ANKS1B: variants seen among roughly 807,000 people sequenced by gnomAD.
ANKS1B encodes the protein ankyrin repeat and sterile alpha motif domain-containing protein 1B.
ANKS1B carries 36 observed loss-of-function variants against 148.3 expected under a neutral mutation model. That is an observed-to-expected ratio of 0.24 (90% confidence interval 0.19 to 0.32). The LOEUF (loss-of-function observed/expected upper bound fraction) is 0.32. Among genes scored for constraint, ANKS1B ranks in the 10% least tolerant of loss-of-function variants. ANKS1B has a pLI of 1.00. For missense variants in ANKS1B, 1,157 were observed against 1,542.6 expected (o/e 0.75, Z 4.19); for synonymous variants, 542 against 560.8 (o/e 0.97, Z 0.47).
chr12:99,498,300 T>G (rs2152988677), intron 10 of ANKS1B, among the ~76,000 whole-genome samples: 1 of 152,326 alleles, frequency 6.6e-6, no homozygotes, highest in South Asian at 2.1e-4. Flanking sequence ...AAATCCAAAC[T>G]TCTGCCTGTT....
At chr12:99,162,102 T>C (rs2076712013) in intron 14 of ANKS1B, among the ~76,000 whole-genome samples, 1 of 152,130 alleles carries the variant, frequency 6.6e-6, no homozygotes, top group South Asian at 2.1e-4. Flanking sequence ...ATAATTCTGT[T>C]TAAATAAAAG....
At chr12:99,724,021 A>G (rs2058368864) in intron 8 of ANKS1B, among the ~76,000 whole-genome samples, 1 of 152,058 alleles carries the variant, frequency 6.6e-6, no homozygotes, top group African/African-American at 2.4e-5. Context: ...TATCAAAACT[A>G]GACAAATTCA....
chr12:99,723,587 G>GATTT (rs1368561410), intron 8 of ANKS1B, among the ~76,000 whole-genome samples: 1 of 152,182 alleles, frequency 6.6e-6, no homozygotes, highest in Admixed American at 6.5e-5. Context: ...AATCTGGGCA[G>GATTT]CCCAGATGAG....
intron 9 of ANKS1B, among the ~76,000 whole-genome samples, chr12:99,511,302 C>G (rs141671620): frequency 6.6e-6 from 1 of 152,100 alleles, no homozygotes; most frequent in East Asian, 1.9e-4. Flanking sequence ...CATGAATGAA[C>G]TGCCATTCAC....
At chr12:99,384,147 C>T (rs1302149906) in intron 12 of ANKS1B, among the ~76,000 whole-genome samples, 1 of 152,106 alleles carries the variant, frequency 6.6e-6, no homozygotes, top group African/African-American at 2.4e-5. Flanking sequence ...AGTAATGTGT[C>T]TGATGCTTAG....
At position 99,819,724 on chromosome 12, in the gene ANKS1B, T is replaced by C. The variant is rs185321077; in HGVS notation, c.215+5585A>G. Among the ~76,000 whole-genome samples, 4 of 151,012 alleles carry C rather than the reference T, an allele frequency of 2.6e-5. No individual in the cohort carries two copies. In the East Asian group the frequency reaches 5.9e-4, roughly 22 times the overall value. On this transcript the variant is annotated intron_variant, in intron 2 of 26. Coordinates refer to ENST00000683438, the MANE Select transcript of ANKS1B (RefSeq NM_001352186.2). The stretch of plus-strand genomic sequence containing the variant: ...CTATTTGTTAAGTAGAGAAGAAAAA[T>C]TGAATTGAAATATGAGTATACAGGT...
Position 98,751,270 on chromosome 12 carries a change from C to T in ANKS1B, c.3747+85G>A. ...AAGAAGAGGCCCTGGGTTCTAATGG[C>T]ACCCACACCACACAAGGGCCTGGTT... On this transcript the variant is annotated intron_variant, in intron 26 of 26. Coordinates refer to ENST00000683438, the MANE Select transcript of ANKS1B (RefSeq NM_001352186.2). This position sits in a 1 kb window ranked among gnomAD's most constrained non-coding sequence, Gnocchi z 4.3. 1 of 1,385,364 alleles carries T rather than the reference C, an allele frequency of 7.2e-7. No individual in the cohort carries two copies. Among genetic ancestry groups the T allele is most frequent in the South Asian group, 1.4e-5 (1 of 71,688 alleles). 85.8% of individuals were successfully genotyped at this position (1,385,364 alleles called of 1,614,324 possible).
At chr12:99,377,428 A>G (rs1048849554) in intron 12 of ANKS1B, among the ~76,000 whole-genome samples, 1 of 152,310 alleles carries the variant, frequency 6.6e-6, no homozygotes, top group Admixed American at 6.5e-5. Flanking sequence ...TGCAGAAAAC[A>G]TTGTAGACAG....
intron 9 of ANKS1B, among the ~76,000 whole-genome samples, chr12:99,615,868 T>C (rs1421305399): frequency 1.3e-5 from 2 of 152,156 alleles, no homozygotes; most frequent in African/African-American, 4.8e-5. Flanking sequence ...CGTTTGCAGA[T>C]GACATGATTC....
At chr12:99,773,482 A>C (rs1416694327) in intron 7 of ANKS1B, among the ~76,000 whole-genome samples, 1 of 152,152 alleles carries the variant, frequency 6.6e-6, no homozygotes, top group African/African-American at 2.4e-5. Context: ...ACTTCTTCCT[A>C]GGTTCAATAA....
chr12:99,718,478 A>G (rs1600535546), intron 8 of ANKS1B, among the ~76,000 whole-genome samples: 2 of 152,146 alleles, frequency 1.3e-5, no homozygotes, highest in East Asian at 3.9e-4. Flanking sequence ...TACCCCGCTC[A>G]ATGCCGATAT....
In ANKS1B at chr12:98,895,817, A is replaced by C. The variant is rs77602754; in HGVS notation, c.2779-63681T>G. ...TTTTTGTTTGTTTGTTTTTCCCCCCAAAAATTATGCCAATTAAATCCGACC... is the reference window on the plus strand; with the variant it reads ...TTTTTGTTTGTTTGTTTTTCCCCCCCAAAATTATGCCAATTAAATCCGACC... On this transcript the variant is annotated intron_variant, in intron 17 of 26. Transcript: ENST00000683438. Among the ~76,000 whole-genome samples the C allele has an allele frequency of 5.9e-3, 905 of 152,298 alleles. 1 individual carries two copies. Among genetic ancestry groups the C allele is most frequent in the East Asian group, 9.1e-3 (47 of 5,182 alleles).
chr12:99,969,430 C>A (rs141212825), intron 1 of ANKS1B, among the ~76,000 whole-genome samples: 1 of 152,122 alleles, frequency 6.6e-6, no homozygotes, highest in Non-Finnish European at 1.5e-5. Context: ...GCAATCCTCC[C>A]GCCTCAGCCT....
At chr12:99,734,350 T>C (rs960046100) in intron 8 of ANKS1B, among the ~76,000 whole-genome samples, 3 of 152,090 alleles carry the variant, frequency 2.0e-5, no homozygotes, top group Non-Finnish European at 2.9e-5. Context: ...TGGAGTGCAA[T>C]GGCATGATCT....
At chr12:99,364,001 G>A (rs189151660) in intron 12 of ANKS1B, among the ~76,000 whole-genome samples, 9 of 152,190 alleles carry the variant, frequency 5.9e-5, no homozygotes, top group Non-Finnish European at 1.0e-4. Flanking sequence ...ACCAAGGGGA[G>A]GGCTCTGAAG....
chr12:99,534,803 G>C (rs539829017), intron 9 of ANKS1B, among the ~76,000 whole-genome samples: 2 of 147,082 alleles, frequency 1.4e-5, no homozygotes, highest in African/African-American at 5.0e-5. Flanking sequence ...TCCACCTCCC[G>C]GGTTTACCCC....
intron 1 of ANKS1B, among the ~76,000 whole-genome samples, chr12:99,868,114 C>T (rs953632120): frequency 6.6e-6 from 1 of 152,048 alleles, no homozygotes; most frequent in Non-Finnish European, 1.5e-5. Context: ...AAAAAAGAAA[C>T]TAGCAAACTG....
intron 10 of ANKS1B, among the ~76,000 whole-genome samples, chr12:99,503,157 G>T (rs2153001978): frequency 6.6e-6 from 1 of 152,206 alleles, no homozygotes; most frequent in Non-Finnish European, 1.5e-5. Context: ...GGCTAGTTTT[G>T]AACTCCTGAG....
chr12:99,349,032 C>T (rs1456066549), intron 12 of ANKS1B, among the ~76,000 whole-genome samples: 1 of 151,822 alleles, frequency 6.6e-6, no homozygotes, highest in Non-Finnish European at 1.5e-5. Flanking sequence ...GTGACAATAA[C>T]AACACAAACA....
Sources: allele counts gnomAD v4.1 joint callset (sites outside exome capture counted in the v4.1 genomes callset), GRCh38; gene constraint gnomAD v4.1.1; non-coding constraint Gnocchi (gnomAD v3.1); transcripts MANE v1.5; gene names NCBI Gene and HGNC (gene_info 2026-07-23, HGNC 2026-07-21).